BTBD9: variants seen among roughly 807,000 people sequenced by gnomAD.
BTBD9 encodes the protein BTB/POZ domain-containing protein 9.
Under a neutral mutation model 64.3 loss-of-function variants are expected in BTBD9, and 49 were observed. The observed-to-expected ratio is 0.76, with a 90% confidence interval of 0.61 to 0.97. BTBD9 has a LOEUF of 0.97. Among genes scored for constraint, BTBD9 ranks in the 50% least tolerant of loss-of-function variants. The pLI is 0.00. For missense variants in BTBD9, 598 were observed against 762.1 expected, an observed-to-expected ratio of 0.78 and a Z score of 2.53; for synonymous variants, 260 against 274.7, an observed-to-expected ratio of 0.95 and a Z score of 0.53.
intron 6 of BTBD9, among the ~76,000 whole-genome samples, chr6:38,511,664 G>A (rs1772782811): frequency 6.6e-6 from 1 of 151,966 alleles, no homozygotes; most frequent in Non-Finnish European, 1.5e-5. Context: ...GATGTAGCTT[G>A]AATCATATCT....
chr6:38,178,747 G>A (rs552344009), intron 10 of BTBD9, among the ~76,000 whole-genome samples: 1 of 151,856 alleles, frequency 6.6e-6, no homozygotes, highest in Non-Finnish European at 1.5e-5. Context: ...AGCAGGGTGT[G>A]GGGGGGAGGG....
intron 6 of BTBD9, among the ~76,000 whole-genome samples, chr6:38,481,528 C>T (rs1175576270): frequency 2.6e-5 from 4 of 152,170 alleles, no homozygotes; most frequent in Non-Finnish European, 4.4e-5. Context: ...CAGCTCTGCT[C>T]ACGACCTCTT....
intron 2 of BTBD9, chr6:38,596,042 G>A: frequency 1.0e-6 from 1 of 985,366 alleles, no homozygotes; most frequent in Non-Finnish European, 1.2e-6. Context: ...TTACTATGAA[G>A]TTTCCTCCTA....
chr6:38,338,601 T>C (rs1425206672), intron 7 of BTBD9, among the ~76,000 whole-genome samples: 1 of 152,064 alleles, frequency 6.6e-6, no homozygotes, highest in Non-Finnish European at 1.5e-5. Flanking sequence ...TTATTATCTC[T>C]CAAGCAGAGA....
chr6:38,280,980 A>G (rs1268583230), intron 8 of BTBD9, among the ~76,000 whole-genome samples: 2 of 152,236 alleles, frequency 1.3e-5, no homozygotes, highest in Non-Finnish European at 2.9e-5. Flanking sequence ...TCATCACAAC[A>G]TTAAAAAATC....
chr6:38,634,576 T>TA (rs138777896), intron 1 of BTBD9, among the ~76,000 whole-genome samples: 3,954 of 149,570 alleles, frequency 0.026, 65 homozygotes, highest in Non-Finnish European at 0.029. Flanking sequence ...TCCTTTTTTT[T>TA]AAAAAAAAAG....
At chr6:38,639,402 C>A (rs933581224) in intron 1 of BTBD9, among the ~76,000 whole-genome samples, 9 of 152,158 alleles carry the variant, frequency 5.9e-5, no homozygotes, top group African/African-American at 9.7e-5. Context: ...AGGGCCCCAG[C>A]AGTCCCAAAC....
At chr6:38,247,013 A>G (rs1764231901) in intron 9 of BTBD9, among the ~76,000 whole-genome samples, 1 of 152,204 alleles carries the variant, frequency 6.6e-6, no homozygotes, top group African/African-American at 2.4e-5. Flanking sequence ...TTCTTTACAC[A>G]AAACTCCAAA....
At chr6:38,634,206 C>A (rs1778455917) in intron 1 of BTBD9, among the ~76,000 whole-genome samples, 1 of 152,198 alleles carries the variant, frequency 6.6e-6, no homozygotes, top group South Asian at 2.1e-4. Context: ...TATAATTTTG[C>A]ACAGCTACTG....
intron 1 of BTBD9, among the ~76,000 whole-genome samples, chr6:38,617,959 G>T (rs1324672026): frequency 6.6e-6 from 1 of 152,172 alleles, no homozygotes; most frequent in Admixed American, 6.5e-5. Context: ...TGAGAATGTG[G>T]TGGTTAAGAG....
chr6:38,249,969 C>A (rs2127530717), intron 9 of BTBD9, among the ~76,000 whole-genome samples: 1 of 152,220 alleles, frequency 6.6e-6, no homozygotes, highest in East Asian at 1.9e-4. Context: ...GCACAAGGAT[C>A]TATAGTTTCT....
At chr6:38,489,645 C>T (rs1202101212) in intron 6 of BTBD9, among the ~76,000 whole-genome samples, 1 of 152,146 alleles carries the variant, frequency 6.6e-6, no homozygotes, top group Non-Finnish European at 1.5e-5. Flanking sequence ...TGTTTTACCT[C>T]GCCCTCACCA....
intron 3 of BTBD9, among the ~76,000 whole-genome samples, chr6:38,593,108 A>C (rs1264458353): frequency 6.6e-6 from 1 of 152,214 alleles, no homozygotes. Context: ...ATCTTTTTTA[A>C]AACAGCAAAA....
chr6:38,391,397 T>C (rs938693195), intron 6 of BTBD9, among the ~76,000 whole-genome samples: 31 of 152,246 alleles, frequency 2.0e-4, no homozygotes, highest in African/African-American at 7.5e-4. Flanking sequence ...GGAGAAGGCT[T>C]TTTGGATGAG....
chr6:38,494,737 TG>T (rs1771871138), intron 6 of BTBD9, among the ~76,000 whole-genome samples: 2 of 152,234 alleles, frequency 1.3e-5, no homozygotes, highest in African/African-American at 2.4e-5. Context: ...TATTTTTCTG[TG>T]GAAGTAGGAA....
rs368226421 is a variant in BTBD9, at chr6:38,492,125, A to C, written c.1154+85475T>G. On this transcript the variant is annotated intron_variant, in intron 6 of 10. Coordinates refer to ENST00000481247, the MANE Select transcript of BTBD9 (RefSeq NM_001099272.2). ...AAATGGGCCCACAGAAACAGCCTAAATCAATCTATAATACACAAAGAAACA... is the reference window on the plus strand; with the variant it reads ...AAATGGGCCCACAGAAACAGCCTAACTCAATCTATAATACACAAAGAAACA... Among the ~76,000 whole-genome samples, 5 of 152,218 alleles carry C rather than the reference A, an allele frequency of 3.3e-5. No individual in the cohort carries two copies. The East Asian group carries it at 9.6e-4, about 29-fold the overall frequency.
In BTBD9 at chr6:38,346,646, A is replaced by G. The variant is rs76170887; in HGVS notation, c.1155-1553T>C. On this transcript the variant is annotated intron_variant, in intron 6 of 10. Transcript: ENST00000481247. Reference sequence around the variant, plus strand: ...GGGTGGGTGGGTAGGTTCATTCAACATAAGTTCTTACCGGTCTGGGTAGTA... The same window carrying G: ...GGGTGGGTGGGTAGGTTCATTCAACGTAAGTTCTTACCGGTCTGGGTAGTA... 7.0e-3 allele frequency among the ~76,000 whole-genome samples: 1,060 copies of G among 152,262 alleles called. 11 individuals are homozygous for G. The highest frequency in any genetic ancestry group is 0.025 in the African/African-American group (1,018 of 41,532).
chr6:38,468,143 T>C (rs368098812), intron 6 of BTBD9, among the ~76,000 whole-genome samples: 14 of 152,324 alleles, frequency 9.2e-5, no homozygotes, highest in African/African-American at 2.9e-4. Flanking sequence ...CTTCCCGAAG[T>C]GCTGAGATTA....
At chr6:38,205,572 C>T (rs1762609935) in intron 9 of BTBD9, among the ~76,000 whole-genome samples, 1 of 151,992 alleles carries the variant, frequency 6.6e-6, no homozygotes, top group Admixed American at 6.6e-5. Flanking sequence ...ATAAAAACTT[C>T]ACCTCCAATG....
Sources: gnomAD v4.1 joint callset for allele counts (sites outside exome capture counted in the v4.1 genomes callset) on GRCh38, gnomAD v4.1.1 for gene constraint, MANE v1.5 for transcripts, NCBI Gene and HGNC (gene_info 2026-07-23, HGNC 2026-07-21) for gene names.